Variants in ARB2A observed in about 807,000 individuals in gnomAD.
ARB2A encodes cotranscriptional regulator ARB2A.
At chr5:94,005,426 T>C in the ARB2A span, among the ~76,000 whole-genome samples, 1 of 152,146 alleles carries the variant, frequency 6.6e-6, no homozygotes, top group African/African-American at 2.4e-5. Flanking sequence ...CAGGGTGGTC[T>C]TGAACTCCTG....
At chr5:93,737,581 C>G in the ARB2A span, 1 of 157,666 alleles carries the variant, frequency 6.3e-6, no homozygotes, top group East Asian at 1.9e-4. Flanking sequence ...TTCCCCATTT[C>G]AAAACTTACT....
the ARB2A span, among the ~76,000 whole-genome samples, chr5:94,110,131 C>A: frequency 2.0e-5 from 3 of 152,054 alleles, no homozygotes; most frequent in Non-Finnish European, 2.9e-5. Context: ...GCAATCCGTC[C>A]GCCTCGGCCT....
chr5:93,796,984 CAGAT>C, the ARB2A span, among the ~76,000 whole-genome samples: 1 of 152,130 alleles, frequency 6.6e-6, no homozygotes, highest in Non-Finnish European at 1.5e-5. Flanking sequence ...CTTCCTTTCA[CAGAT>C]AGAGAACATG....
the ARB2A span, among the ~76,000 whole-genome samples, chr5:94,005,585 G>T: frequency 6.6e-6 from 1 of 152,114 alleles, no homozygotes; most frequent in Non-Finnish European, 1.5e-5. Flanking sequence ...ATTTTAGCAA[G>T]CACGCAAATT....
At chr5:93,724,613 T>C in the ARB2A span, among the ~76,000 whole-genome samples, 2 of 152,024 alleles carry the variant, frequency 1.3e-5, no homozygotes, top group African/African-American at 4.8e-5. Flanking sequence ...TATCAAATGA[T>C]GAAACTGTTT....
chr5:93,913,784 A>T, the ARB2A span, among the ~76,000 whole-genome samples: 1 of 152,150 alleles, frequency 6.6e-6, no homozygotes, highest in East Asian at 1.9e-4. Context: ...TTGCTGGTCC[A>T]ATATAAACTT....
the ARB2A span, among the ~76,000 whole-genome samples, chr5:93,797,814 A>G: frequency 6.6e-6 from 1 of 152,282 alleles, no homozygotes; most frequent in South Asian, 2.1e-4. Flanking sequence ...TGGGAGAACA[A>G]GAGAGGTGTT....
At chr5:93,907,008 T>C in the ARB2A span, among the ~76,000 whole-genome samples, 10 of 151,488 alleles carry the variant, frequency 6.6e-5, no homozygotes, top group Non-Finnish European at 1.3e-4. Flanking sequence ...TGTCTACGTA[T>C]TTTATATAGA....
chr5:94,058,306 C>T, the ARB2A span, among the ~76,000 whole-genome samples: 1 of 152,004 alleles, frequency 6.6e-6, no homozygotes, highest in African/African-American at 2.4e-5. Context: ...GAAAATCCAG[C>T]ATCCAATAAT....
At chr5:93,851,098 T>C in the ARB2A span, among the ~76,000 whole-genome samples, 2 of 152,220 alleles carry the variant, frequency 1.3e-5, no homozygotes, top group Non-Finnish European at 2.9e-5. Context: ...TAAGTATTTT[T>C]ATATTTCAGG....
the ARB2A span, among the ~76,000 whole-genome samples, chr5:93,744,670 G>T: frequency 6.6e-6 from 1 of 152,204 alleles, no homozygotes; most frequent in African/African-American, 2.4e-5. Flanking sequence ...TGGAAATGGG[G>T]TTAGCAGGGA....
chr5:93,716,234 A>G, the ARB2A span, among the ~76,000 whole-genome samples: 1 of 152,206 alleles, frequency 6.6e-6, no homozygotes, highest in Non-Finnish European at 1.5e-5. Context: ...GCTACCTTTG[A>G]GTCTAAAGAG....
At chr5:93,653,837 A>C in the ARB2A span, among the ~76,000 whole-genome samples, 1 of 152,246 alleles carries the variant, frequency 6.6e-6, no homozygotes, top group African/African-American at 2.4e-5. Flanking sequence ...ATAGACACAG[A>C]AACTGACCAA....
At chr5:93,980,430 G>A in the ARB2A span, among the ~76,000 whole-genome samples, 1 of 152,158 alleles carries the variant, frequency 6.6e-6, no homozygotes, top group African/African-American at 2.4e-5. Flanking sequence ...ATACCTAGGT[G>A]TAGGTTCAGT....
At chr5:93,770,906 C>A in the ARB2A span, among the ~76,000 whole-genome samples, 5 of 152,072 alleles carry the variant, frequency 3.3e-5, no homozygotes, top group African/African-American at 1.2e-4. Flanking sequence ...TCAATGCCAT[C>A]CCCATCAAGC....
chr5:93,803,742 C>G, the ARB2A span, among the ~76,000 whole-genome samples: 1 of 150,636 alleles, frequency 6.6e-6, no homozygotes, highest in Non-Finnish European at 1.5e-5. Flanking sequence ...GAAAAGCTTC[C>G]ATTTTTGGAC....
chr5:94,009,166 C>T, the ARB2A span, among the ~76,000 whole-genome samples: 2 of 152,048 alleles, frequency 1.3e-5, no homozygotes, highest in Non-Finnish European at 1.5e-5. Context: ...AATGCATCTG[C>T]TCACATTCAA....
At chr5:93,936,663 C>T in the ARB2A span, among the ~76,000 whole-genome samples, 1 of 152,114 alleles carries the variant, frequency 6.6e-6, no homozygotes, top group African/African-American at 2.4e-5. Context: ...ATATTGCATA[C>T]TATAAAAGAA....
At chr5:93,805,588 C>T in the ARB2A span, 1 of 985,096 alleles carries the variant, frequency 1.0e-6, no homozygotes, top group African/African-American at 1.7e-5. Context: ...ACAGAGGTCA[C>T]AATCCTTTAT....
Sources: gnomAD v4.1 joint callset for allele counts (sites outside exome capture counted in the v4.1 genomes callset) on GRCh38, gnomAD v4.1.1 for gene constraint, MANE v1.5 for transcripts, NCBI Gene and HGNC (gene_info 2026-07-23, HGNC 2026-07-21) for gene names.